Variants in TST observed in about 807,000 individuals in gnomAD.
TST encodes the protein thiosulfate sulfurtransferase, also known as epididymis secretory sperm binding protein.
In TST, 22 loss-of-function variants were observed where a neutral mutation model predicts 20.4. That is an observed-to-expected ratio of 1.08 (90% CI 0.77 to 1.54). The LOEUF is 1.54. Among genes scored for constraint, TST ranks in the 40% most tolerant of loss-of-function variants. The pLI is 0.00. For synonymous variants in TST, 187 were observed against 173.8 expected (o/e 1.08, Z -0.60); for missense variants, 392 against 405.2 (o/e 0.97, Z 0.28).
At chr22:37,017,975 T>C (rs1443633591) in intron 2 of TST, among the ~76,000 whole-genome samples, 163 bp downstream of exon 2, 1 of 152,140 alleles carries the variant, frequency 6.6e-6, no homozygotes, top group East Asian at 1.9e-4. Context: ...AAAAAGCCTT[T>C]AGGTTTGTCT....
chr22:37,017,092 G>A (rs1181942650), intron 2 of TST, among the ~76,000 whole-genome samples: 2 of 152,226 alleles, frequency 1.3e-5, no homozygotes, highest in Non-Finnish European at 2.9e-5. Flanking sequence ...CACCAAGGAG[G>A]TGCCCAGAGA....
intron 2 of TST, among the ~76,000 whole-genome samples, chr22:37,013,754 C>T (rs470029): frequency 0.086 from 13,032 of 152,188 alleles, 972 homozygotes; most frequent in African/African-American, 0.2. Flanking sequence ...CAGCTGGCAT[C>T]GAGGGCATTC....
At chr22:37,013,638 A>G (rs572920530) in intron 2 of TST, among the ~76,000 whole-genome samples, 4 of 152,272 alleles carry the variant, frequency 2.6e-5, no homozygotes, top group African/African-American at 4.8e-5. Context: ...TTGATTGCAT[A>G]TAACGTATAA....
intron 2 of TST, among the ~76,000 whole-genome samples, chr22:37,013,944 G>A (rs766285404): frequency 1.1e-4 from 17 of 152,194 alleles, no homozygotes; most frequent in Non-Finnish European, 2.5e-4. Context: ...GGGAGTTTCT[G>A]TAGAGCGGGC....
In TST at chr22:37,018,504, T is replaced by C; in HGVS notation, c.229A>G (p.Ser77Gly). ...ACATACTCGGCGAAGCCAGCCTCGC[T>C]GGGCAGCATCATCTCGTAGGGCGAC... ...TASPYEMMLP[S>G]EAGFAEYVGR... The change falls in exon 2 of 3, where the codon AGC becomes GGC. Residue 77 changes from serine (S) to glycine (G), a missense_variant. Ser to Gly is a moderately conservative substitution (Grantham distance 56). Transcript: ENST00000249042. The C allele has an allele frequency of 6.2e-7, 1 of 1,605,600 alleles. No homozygotes were observed. Among genetic ancestry groups the C allele is most frequent in the South Asian group, 1.1e-5 (1 of 90,210 alleles).
rs1454569736 is a variant in TST, at chr22:37,018,137, C to T, written c.595+1G>A. 2 of 1,545,884 alleles carry T rather than the reference C, an allele frequency of 1.3e-6. No individual in the cohort carries two copies. On this transcript the variant is annotated splice_donor_variant, in intron 2 of 2. Transcript: ENST00000249042. LOFTEE classifies it high-confidence loss of function. ...GGACCACCCAGCACTGGGACACCTA[C>T]CTACTGCATCCGGCTCCGGCTCGGT...
chr22:37,020,069 C>G (rs1922950549), upstream of TST: 297 of 211,850 alleles, frequency 1.4e-3, no homozygotes, highest in East Asian at 1.9e-3. Flanking sequence ...TGGCGAGTGG[C>G]GGGTGGGGAG....
rs770046672 is a variant in TST at position 37,018,421 on chromosome 22, C to G, written c.312G>C (p.Leu104=). Residue 104 remains leucine (L), a synonymous_variant, in exon 2 of 3, where the codon CTG becomes CTC. Transcript: ENST00000249042. ...AGACCCGGGGAGCATAGAAGCTGCC[C>G]AGGTGTTCACCATCATACACCACCA... is the stretch of plus-strand genomic sequence containing the variant. ...THVVVYDGEH[L]GSFYAPRVWW... 23 of 1,613,560 alleles carry G rather than the reference C, an allele frequency of 1.4e-5. No individual in the cohort carries two copies. The highest frequency in any genetic ancestry group is 1.9e-5 in the Non-Finnish European group (23 of 1,180,024).
intron 2 of TST, among the ~76,000 whole-genome samples, chr22:37,011,564 C>A (rs1184649648): frequency 6.6e-6 from 1 of 152,228 alleles, no homozygotes; most frequent in Non-Finnish European, 1.5e-5. Flanking sequence ...CAAAATCACA[C>A]CTGCTTGAGA....
intron 2 of TST, among the ~76,000 whole-genome samples, chr22:37,013,945 TAG>T (rs1331030358): frequency 6.6e-6 from 1 of 152,088 alleles, no homozygotes; most frequent in Middle Eastern, 3.2e-3. Context: ...GGAGTTTCTG[TAG>T]AGCGGGCCTC....
upstream of TST, chr22:37,019,932 G>A (rs1922933224): frequency 5.6e-6 from 5 of 885,678 alleles, no homozygotes; most frequent in Non-Finnish European, 6.0e-6. Flanking sequence ...CTCTTTGGGG[G>A]TGCTCGGCGC....
Position 37,018,541 on chromosome 22 carries a change from GCACT to G in TST, c.188_191del (p.Glu63AlafsTer10), listed in dbSNP as rs778166786. The stretch of plus-strand genomic sequence containing the variant: ...TCTCGTAGGGCGACGCCGTGTCCCG[GCACT>G]CTTCTATGTCAAAGAAAGAGGCGCC... On this transcript the variant is annotated frameshift_variant, in exon 2 of 3. Coordinates refer to ENST00000249042, the MANE Select transcript of TST (RefSeq NM_003312.6). LOFTEE classifies it high-confidence loss of function. 1.8e-5 allele frequency: 28 copies of G among 1,578,738 alleles called. No individual in the cohort carries two copies. Among genetic ancestry groups the G allele is most frequent in the Non-Finnish European group, 2.3e-5 (27 of 1,162,104 alleles).
At position 37,011,209 on chromosome 22, in the gene TST, C is replaced by T; in HGVS notation, c.712G>A (p.Val238Met). The T allele has an allele frequency of 3.7e-6, 6 of 1,613,934 alleles. No homozygotes were observed. The highest frequency in any genetic ancestry group is 5.1e-6 in the Non-Finnish European group (6 of 1,180,026). The change falls in exon 3 of 3, where the codon GTG (valine) becomes ATG (methionine). Residue 238 changes from valine (V) to methionine (M), a missense_variant. Transcript: ENST00000249042. Reference sequence around the variant, plus strand: ...GCAATGAGAGGCTGCGAGAGATCCACCTTCTTGGTCTGGAACAGAGCACGG... The same window carrying T: ...GCAATGAGAGGCTGCGAGAGATCCATCTTCTTGGTCTGGAACAGAGCACGG... ...ELRALFQTKKVDLSQPLIATC... is the reference protein window; with the variant it reads ...ELRALFQTKKMDLSQPLIATC...
rs564206363 is a variant in TST, at chr22:37,012,242, C to T, written c.596-917G>A. 2.6e-5 allele frequency among the ~76,000 whole-genome samples: 4 copies of T among 152,268 alleles called. No homozygotes were observed. In the South Asian group the frequency reaches 8.3e-4, roughly 32 times the overall value. ...TAGGGACAGTGTGGGCCTTTTTGGT[C>T]CCCTCCAAGAACTTGGATGGAAGCA... On this transcript the variant is annotated intron_variant, in intron 2 of 2. Transcript: ENST00000249042.
intron 2 of TST, among the ~76,000 whole-genome samples, chr22:37,016,607 T>G (rs536337725): frequency 6.6e-6 from 1 of 152,076 alleles, no homozygotes; most frequent in African/African-American, 2.4e-5. Context: ...CAGGGCAGGC[T>G]GGGAAGCAGC....
intron 2 of TST, among the ~76,000 whole-genome samples, chr22:37,017,769 GT>G (rs1922737751): frequency 1.3e-5 from 2 of 152,146 alleles, no homozygotes; most frequent in Non-Finnish European, 2.9e-5. Context: ...TCCGTGGGAG[GT>G]TTCTGTACAG....
intron 2 of TST, among the ~76,000 whole-genome samples, chr22:37,015,251 G>A (rs1308131287): frequency 6.6e-6 from 1 of 152,224 alleles, no homozygotes. Context: ...GTGTCCAGAA[G>A]AGACTATATA....
chr22:37,011,418 G>C (rs373041919), intron 2 of TST, 93 bp from the exon 3 acceptor site: 4 of 1,338,218 alleles, frequency 3.0e-6, no homozygotes, highest in Non-Finnish European at 4.1e-6. Context: ...TGGAAGGATA[G>C]ATAGCTTTGC....
At position 37,011,058 on chromosome 22, in the gene TST, C is replaced by G. The variant is rs368128835; in HGVS notation, c.863G>C (p.Arg288Pro). Residue 288 changes from arginine to proline, a missense_variant, in exon 3 of 3, where the codon CGT becomes CCT. By Grantham distance (103) the Arg-to-Pro change is moderately radical. Coordinates refer to ENST00000249042, the MANE Select transcript of TST (RefSeq NM_003312.6). The part of the protein sequence containing the change: ...EWFRRAPPES[R>P]VSQGKSEKA ...CTTCTCAGACTTTCCCTGGGACACA[C>G]GGCTCTCTGGGGGGGCCCGGCGAAA... 1 of 1,611,346 alleles carries G rather than the reference C, an allele frequency of 6.2e-7. No homozygotes were observed. Among genetic ancestry groups the G allele is most frequent in the African/African-American group, 1.3e-5 (1 of 74,886 alleles).
Sources: allele counts gnomAD v4.1 joint callset (sites outside exome capture counted in the v4.1 genomes callset), GRCh38; gene constraint gnomAD v4.1.1; transcripts MANE v1.5; gene names NCBI Gene and HGNC (gene_info 2026-07-23, HGNC 2026-07-21).